Variants in ZNF257 observed in about 807,000 individuals in gnomAD.
ZNF257 encodes zinc finger protein 257, also known as bone marrow zinc finger 4.
In ZNF257, 12 loss-of-function variants were observed where a neutral mutation model predicts 11.9. The observed-to-expected ratio is 1.01, with a 90% CI of 0.65 to 1.63. The LOEUF (loss-of-function observed/expected upper bound fraction) is 1.63, where lower values mean the gene tolerates loss of function less well. ZNF257 is among the 40% of genes most tolerant of loss of function. The pLI, the probability that ZNF257 is intolerant of heterozygous loss-of-function variation, is 0.00. For synonymous variants in ZNF257, 183 were observed against 222.7 expected (o/e 0.82, Z 1.59); for missense variants, 580 against 665.5 (o/e 0.87, Z 1.41).
chr19:22,089,593 A>G lies in ZNF257; in HGVS notation c.*151A>G. 6.9e-7 allele frequency: 1 copy of G among 1,457,128 alleles called. No homozygotes were observed. 90.3% of individuals were successfully genotyped at this position (1,457,128 alleles called of 1,614,324 possible). A position where few individuals can be genotyped will look rare whatever the true frequency, so the allele number is the denominator to read the frequency against. ...AACAAATCCTCAACATTTACTAAGC[A>G]TAAAATAATTCATGCTGGAGAGAAA... On this transcript the variant is annotated 3_prime_UTR_variant, in exon 4 of 4. Coordinates refer to ENST00000594947, the MANE Select transcript of ZNF257 (RefSeq NM_033468.4).
At position 22,089,249 on chromosome 19, in the gene ZNF257, C is replaced by T. The variant is rs768716474; in HGVS notation, c.1499C>T (p.Ser500Leu). The T allele has an allele frequency of 1.9e-6, 3 of 1,613,868 alleles. No homozygotes were observed. Among genetic ancestry groups the T allele is most frequent in the Non-Finnish European group, 2.5e-6 (3 of 1,179,846 alleles). ...EECGKAFNRS[S>L]HLSQHKIIHT... ...TGTGGCAAAGCCTTTAACCGGTCTT[C>T]ACACCTTTCTCAACATAAGATAATT... Residue 500 changes from serine to leucine, a missense_variant, in exon 4 of 4, where the codon TCA becomes TTA. Coordinates refer to ENST00000594947, the MANE Select transcript of ZNF257 (RefSeq NM_033468.4).
chr19:22,077,361 T>C (rs1362262479), intron 3 of ZNF257, among the ~76,000 whole-genome samples: 3 of 152,102 alleles, frequency 2.0e-5, no homozygotes, highest in African/African-American at 4.8e-5. Flanking sequence ...TACATTCACA[T>C]TGTTATACAA....
chr19:22,087,654 C>T lies in ZNF257; in HGVS notation c.227-323C>T, dbSNP rs1341962357. 20 of 962,580 alleles carry T rather than the reference C, an allele frequency of 2.1e-5. 1 individual carries two copies. Among genetic ancestry groups the T allele is most frequent in the Non-Finnish European group, 2.4e-5 (18 of 743,112 alleles). 59.6% of individuals were successfully genotyped at this position (962,580 alleles called of 1,614,324 possible). On this transcript the variant is annotated intron_variant, in intron 3 of 3. Transcript: ENST00000594947. Reference sequence around the variant, plus strand: ...GAAACAAGGAGTTGGCAATTTACTTCTAAGGGCACTATGTTATACTGAGGA... The same window carrying T: ...GAAACAAGGAGTTGGCAATTTACTTTTAAGGGCACTATGTTATACTGAGGA...
At chr19:22,056,513 T>A (rs1301282060) in intron 1 of ZNF257, among the ~76,000 whole-genome samples, 1 of 144,518 alleles carries the variant, frequency 6.9e-6, no homozygotes, top group Admixed American at 7.0e-5. Flanking sequence ...AGTCTCCCTC[T>A]CACCCAGGCT....
intron 1 of ZNF257, among the ~76,000 whole-genome samples, chr19:22,054,158 C>T (rs1177700379): frequency 4.0e-5 from 6 of 151,502 alleles, no homozygotes; most frequent in East Asian, 4.0e-4. Flanking sequence ...TTGCAACCTC[C>T]GCCTCCCAGG....
chr19:22,066,845 TTC>T (rs1317201167), intron 1 of ZNF257, among the ~76,000 whole-genome samples: 1 of 152,202 alleles, frequency 6.6e-6, no homozygotes, highest in Non-Finnish European at 1.5e-5. Flanking sequence ...ATGAACATCT[TTC>T]TGTCTTTGCA....
intron 1 of ZNF257, among the ~76,000 whole-genome samples, chr19:22,071,112 G>T (rs2022092696): frequency 6.6e-6 from 1 of 152,124 alleles, no homozygotes; most frequent in Non-Finnish European, 1.5e-5. Flanking sequence ...AGAAACCTTT[G>T]CACTAAAGGG....
intron 1 of ZNF257, among the ~76,000 whole-genome samples, chr19:22,063,117 C>G (rs1335726698): frequency 6.6e-6 from 1 of 152,048 alleles, no homozygotes; most frequent in Non-Finnish European, 1.5e-5. Context: ...TTGTCCAGGA[C>G]TTTATTTATT....
intron 1 of ZNF257, among the ~76,000 whole-genome samples, chr19:22,063,478 G>A (rs115878275): frequency 1.3e-5 from 2 of 152,010 alleles, no homozygotes; most frequent in Admixed American, 6.6e-5. Flanking sequence ...CTAACATTTC[G>A]ATGTGAGCAT....
chr19:22,085,710 A>ACG (rs1369429740), intron 3 of ZNF257, among the ~76,000 whole-genome samples: 1 of 151,818 alleles, frequency 6.6e-6, no homozygotes, highest in African/African-American at 2.4e-5. Flanking sequence ...ACACACACAC[A>ACG]AACACGCAAA....
In ZNF257 at chr19:22,089,313, C is replaced by T; in HGVS notation, c.1563C>T (p.Gly521=). The change falls in exon 4 of 4, where the codon GGC becomes GGT. Residue 521 remains glycine (G), a synonymous_variant. Coordinates refer to ENST00000594947, the MANE Select transcript of ZNF257 (RefSeq NM_033468.4). The part of the protein sequence containing the change: ...GEKPYKCEEC[G]KPFNRFSYLT... ...AACCCTACAAATGTGAAGAATGTGGCAAGCCTTTTAATCGTTTCTCATACC... is the reference window on the plus strand; with the variant it reads ...AACCCTACAAATGTGAAGAATGTGGTAAGCCTTTTAATCGTTTCTCATACC... The T allele has an allele frequency of 1.9e-6, 3 of 1,613,762 alleles. No homozygotes were observed. Among genetic ancestry groups the T allele is most frequent in the Non-Finnish European group, 2.5e-6 (3 of 1,179,872 alleles).
At chr19:22,073,177 C>T (rs1193956790) in intron 2 of ZNF257, among the ~76,000 whole-genome samples, 1 of 151,982 alleles carries the variant, frequency 6.6e-6, no homozygotes, top group South Asian at 2.1e-4. Context: ...TGATCTGTAT[C>T]CCTCACTCTA....
chr19:22,062,220 C>T (rs2021818133), intron 1 of ZNF257, among the ~76,000 whole-genome samples: 1 of 128,080 alleles, frequency 7.8e-6, no homozygotes, highest in African/African-American at 2.9e-5. Flanking sequence ...ACCACTGCGC[C>T]TGCTTTTTTT....
In ZNF257 at chr19:22,082,278, A is replaced by T. The variant is rs561082532; in HGVS notation, c.227-5699A>T. On this transcript the variant is annotated intron_variant, in intron 3 of 3. Transcript: ENST00000594947. ...GTCTGTATATTTACATTTAATAGAG[A>T]GGTTTATATTTACATAGTCATATGA... Among the ~76,000 whole-genome samples, 2 of 150,572 alleles carry T rather than the reference A, an allele frequency of 1.3e-5. 1 individual carries two copies. Among genetic ancestry groups the T allele is most frequent in the South Asian group, 4.1e-4 (2 of 4,828 alleles).
rs996132819 is a variant in ZNF257 at position 22,071,600 on chromosome 19, GTTTGT to G, written c.4-1205_4-1201del. 1.8e-4 allele frequency among the ~76,000 whole-genome samples: 28 copies of G among 152,064 alleles called. No homozygotes were observed. In the East Asian group the frequency reaches 4.6e-3, roughly 25 times the overall value. ...TCTACTTGTTTTTCCTCCCTAATGA[GTTTGT>G]TTTAACTACTTTAAAAAATTCTTGT... On this transcript the variant is annotated intron_variant, in intron 1 of 3. Transcript: ENST00000594947.
chr19:22,064,004 A>G (rs1326756505), intron 1 of ZNF257: 1 of 152,196 alleles, frequency 6.6e-6, no homozygotes, highest in Non-Finnish European at 1.5e-5. Context: ...ATAGGTCTCT[A>G]AGAACTTGCT....
At chr19:22,081,086 CCAG>C (rs2145713206) in intron 3 of ZNF257, among the ~76,000 whole-genome samples, 2 of 151,994 alleles carry the variant, frequency 1.3e-5, no homozygotes, top group East Asian at 3.9e-4. Flanking sequence ...ACCATGTTAA[CCAG>C]CATTGTCTCG....
chr19:22,090,537 A>G lies in ZNF257; in HGVS notation c.*1095A>G, dbSNP rs1240127726. 4 of 152,172 alleles carry G rather than the reference A, an allele frequency of 2.6e-5. No homozygotes were observed. Among genetic ancestry groups the G allele is most frequent in the Admixed American group, 1.3e-4 (2 of 15,278 alleles). The allele number at this position is 152,172 out of a possible 1,614,324, so 9.4% of individuals were successfully genotyped here. The stretch of plus-strand genomic sequence containing the variant: ...AATATTTAATTCAAATTGAGTTTAT[A>G]TAATTATCAGAGAATTAACAGTAGA... On this transcript the variant is annotated 3_prime_UTR_variant, in exon 4 of 4. Transcript: ENST00000594947.
At chr19:22,074,313 T>C (rs1315702656) in intron 3 of ZNF257, 2 of 152,194 alleles carry the variant, frequency 1.3e-5, no homozygotes, top group Non-Finnish European at 2.9e-5. Flanking sequence ...AAAGAGTTTT[T>C]ATCTCCTTGG....
Sources: gnomAD v4.1 joint callset for allele counts (sites outside exome capture counted in the v4.1 genomes callset) on GRCh38, gnomAD v4.1.1 for gene constraint, MANE v1.5 for transcripts, NCBI Gene and HGNC (gene_info 2026-07-23, HGNC 2026-07-21) for gene names.